The following SCD5 variants were observed in gnomAD, a reference collection of about 807,000 sequenced individuals.
SCD5 encodes the protein stearoyl-CoA desaturase 5.
In SCD5, 20 loss-of-function variants were observed where a neutral mutation model predicts 30.4. The observed-to-expected ratio is 0.66, with a 90% CI of 0.46 to 0.96. The LOEUF is 0.96. Ranked by LOEUF, SCD5 falls within the 40% of genes least tolerant of loss-of-function variation. The probability of loss-of-function intolerance (pLI) is 0.00; values close to 1 mark genes in which losing one functional copy is unlikely to be tolerated. For missense variants in SCD5, 381 were observed against 443.3 expected (o/e 0.86, Z 1.26); for synonymous variants, 173 against 176.4 (o/e 0.98, Z 0.16).
chr4:82,782,317 C>G (rs530249186), intron 1 of SCD5, among the ~76,000 whole-genome samples: 1 of 152,084 alleles, frequency 6.6e-6, no homozygotes, highest in African/African-American at 2.4e-5. Flanking sequence ...TACTAGAATA[C>G]AGACATACAG....
At chr4:82,743,554 T>A (rs1720922132) in intron 1 of SCD5, among the ~76,000 whole-genome samples, 1 of 152,046 alleles carries the variant, frequency 6.6e-6, no homozygotes, top group African/African-American at 2.4e-5. Flanking sequence ...TTTTTTTAGA[T>A]ATGCCACCCA....
chr4:82,641,353 T>A (rs1727542093), intron 3 of SCD5, among the ~76,000 whole-genome samples: 1 of 150,966 alleles, frequency 6.6e-6, no homozygotes, highest in African/African-American at 2.4e-5. Flanking sequence ...ATATATCTGG[T>A]ATATTCTGGC....
rs1047465992 is a variant in SCD5, at chr4:82,661,213, A to T, written c.569+19494T>A. 18 of 744,470 alleles carry T rather than the reference A, an allele frequency of 2.4e-5. No individual in the cohort carries two copies. The African/African-American group carries it at 3.1e-4, about 13-fold the overall frequency. The allele number at this position is 744,470 out of a possible 1,614,324, so 46.1% of individuals were successfully genotyped here. ...TCTCAATCTAATCATCCCTTGACAC[A>T]CTCAATAGGATATAACATGGTGAGA... On this transcript the variant is annotated intron_variant, in intron 3 of 4. Coordinates refer to ENST00000319540, the MANE Select transcript of SCD5 (RefSeq NM_001037582.3).
At chr4:82,671,410 G>A (rs1461994908) in intron 3 of SCD5, among the ~76,000 whole-genome samples, 1 of 152,078 alleles carries the variant, frequency 6.6e-6, no homozygotes, top group Non-Finnish European at 1.5e-5. Context: ...ACATCTACAG[G>A]CTACTTCATC....
At chr4:82,793,495 T>A (rs182916758) in intron 1 of SCD5, among the ~76,000 whole-genome samples, 1 of 152,348 alleles carries the variant, frequency 6.6e-6, no homozygotes, top group East Asian at 1.9e-4. Context: ...GAGCCCTTAT[T>A]TCCAAAGCCA....
At chr4:82,673,252 T>C (rs1728364574) in intron 3 of SCD5, among the ~76,000 whole-genome samples, 1 of 152,098 alleles carries the variant, frequency 6.6e-6, no homozygotes, top group South Asian at 2.1e-4. Flanking sequence ...GTGTTGTCTT[T>C]GTAGAAGATC....
In SCD5 at chr4:82,631,532, G is replaced by C. The variant is rs374263291; in HGVS notation, c.803-15C>G. 3 of 1,612,432 alleles carry C rather than the reference G, an allele frequency of 1.9e-6. No individual in the cohort carries two copies. The Admixed American group carries it at 5.0e-5, about 27-fold the overall frequency. On this transcript the variant is annotated splice_polypyrimidine_tract_variant and intron_variant, in intron 4 of 4. Coordinates refer to ENST00000319540, the MANE Select transcript of SCD5 (RefSeq NM_001037582.3). Reference sequence around the variant, plus strand: ...GAAGCCTTCACCTGGAAGACAAAGCGGGCATTGATATAATTCAATCACCAC... The same window carrying C: ...GAAGCCTTCACCTGGAAGACAAAGCCGGCATTGATATAATTCAATCACCAC...
chr4:82,732,078 T>C (rs1476624429), intron 1 of SCD5, among the ~76,000 whole-genome samples: 1 of 152,052 alleles, frequency 6.6e-6, no homozygotes, highest in Non-Finnish European at 1.5e-5. Flanking sequence ...GGGAGGAAGA[T>C]TCTTTTCTCT....
intron 3 of SCD5, among the ~76,000 whole-genome samples, chr4:82,649,097 C>G (rs1727690400): frequency 2.0e-5 from 3 of 151,394 alleles, no homozygotes; most frequent in Non-Finnish European, 4.4e-5. Context: ...GTTTTCACTC[C>G]ACTATGTGTA....
chr4:82,703,798 A>G (rs1400389779), intron 2 of SCD5, among the ~76,000 whole-genome samples: 1 of 152,234 alleles, frequency 6.6e-6, no homozygotes, highest in Non-Finnish European at 1.5e-5. Context: ...GGCTATAAAG[A>G]AAGGATTGCT....
intron 1 of SCD5, among the ~76,000 whole-genome samples, chr4:82,788,587 C>G (rs1259093432): frequency 1.3e-5 from 2 of 152,110 alleles, no homozygotes; most frequent in South Asian, 4.1e-4. Flanking sequence ...GAAGGGGTTT[C>G]GTTATGTTGG....
intron 1 of SCD5, among the ~76,000 whole-genome samples, chr4:82,725,204 A>G (rs1357390615): frequency 6.6e-6 from 1 of 152,230 alleles, no homozygotes; most frequent in Non-Finnish European, 1.5e-5. Context: ...CTTCAGAAAT[A>G]AACCTTTCCA....
chr4:82,758,500 G>C (rs1480781174), intron 1 of SCD5, among the ~76,000 whole-genome samples: 1 of 152,036 alleles, frequency 6.6e-6, no homozygotes, highest in Non-Finnish European at 1.5e-5. Flanking sequence ...TCCTCATAAA[G>C]ACCCTATTTC....
In SCD5 at chr4:82,636,716, A is replaced by C; in HGVS notation, c.677T>G (p.Leu226Arg). ...LWNSYFLASI[L>R]RYTISLNISW... ...GATGTTGAGTGAGATGGTATAGCGG[A>C]GAATAGAGGCCAAGAAGTAGGAATT... The change falls in exon 4 of 5, where the codon CTC becomes CGC. Residue 226 changes from leucine to arginine, a missense_variant. Leu to Arg is a moderately radical substitution (Grantham distance 102, BLOSUM62 -2). Coordinates refer to ENST00000319540, the MANE Select transcript of SCD5 (RefSeq NM_001037582.3). The C allele has an allele frequency of 6.2e-7, 1 of 1,614,200 alleles. No individual in the cohort carries two copies. Among genetic ancestry groups the C allele is most frequent in the Non-Finnish European group, 8.5e-7 (1 of 1,180,034 alleles).
chr4:82,707,989 C>T (rs1051796826), intron 1 of SCD5, among the ~76,000 whole-genome samples: 1 of 152,146 alleles, frequency 6.6e-6, no homozygotes, highest in African/African-American at 2.4e-5. Context: ...AAGCAGGAAC[C>T]TTTCATTCAT....
intron 3 of SCD5, among the ~76,000 whole-genome samples, chr4:82,644,766 G>A (rs1044355677): frequency 2.6e-5 from 4 of 152,154 alleles, no homozygotes; most frequent in Admixed American, 6.5e-5. Flanking sequence ...ATTCTTGCTC[G>A]TCAGGACCCA....
At chr4:82,747,060 G>A (rs972897621) in intron 1 of SCD5, among the ~76,000 whole-genome samples, 9 of 97,104 alleles carry the variant, frequency 9.3e-5, no homozygotes, top group Non-Finnish European at 1.4e-4. Flanking sequence ...AGAAAAGTCT[G>A]GGCAACCTGC....
At chr4:82,792,824 G>A (rs1026380785) in intron 1 of SCD5, among the ~76,000 whole-genome samples, 4 of 152,204 alleles carry the variant, frequency 2.6e-5, no homozygotes, top group African/African-American at 7.2e-5. Flanking sequence ...GTAAAGAAAC[G>A]AGTCTGAAGT....
At chr4:82,767,933 T>C (rs920916883) in intron 1 of SCD5, among the ~76,000 whole-genome samples, 1 of 152,148 alleles carries the variant, frequency 6.6e-6, no homozygotes, top group Non-Finnish European at 1.5e-5. Flanking sequence ...GTACTCCCAC[T>C]TGTCCTCTTT....
Sources: allele counts gnomAD v4.1 joint callset (sites outside exome capture counted in the v4.1 genomes callset), GRCh38; gene constraint gnomAD v4.1.1; transcripts MANE v1.5; gene names NCBI Gene and HGNC (gene_info 2026-07-23, HGNC 2026-07-21).